Variants in WHRN observed in about 807,000 individuals in gnomAD.
The protein encoded by WHRN is CASK-interacting protein CIP98.
Under a neutral mutation model 68.3 loss-of-function variants are expected in WHRN, and 41 were observed. The ratio of observed to expected loss-of-function variants is 0.60; its 90% CI spans 0.47 to 0.78. The LOEUF is 0.78. WHRN is among the 30% of genes least tolerant of loss of function. The pLI, the probability that WHRN is intolerant of heterozygous loss-of-function variation, is 0.00. For synonymous variants in WHRN, 560 were observed against 561.3 expected (o/e 1.00, Z 0.03); for missense variants, 1,243 against 1,244.7 (o/e 1.00, Z 0.02).
In WHRN at chr9:114,426,511, T is replaced by C. The variant is rs1836875712; in HGVS notation, c.964-98A>G. On this transcript the variant is annotated intron_variant, in intron 3 of 11. Transcript: ENST00000362057. ...ATCCCAATTCTCCTCTGGGCCAGCC[T>C]GTCAAGGAGGTCATCCAGGATCAGA... 9.2e-6 allele frequency: 13 copies of C among 1,408,214 alleles called. No individual in the cohort carries two copies. The South Asian group carries it at 1.4e-4, about 15-fold the overall frequency. 87.2% of individuals were successfully genotyped at this position (1,408,214 alleles called of 1,614,324 possible). A position where few individuals can be genotyped will look rare whatever the true frequency, so the allele number is the denominator to read the frequency against.
chr9:114,504,149 C>T (rs780909192), intron 1 of WHRN, 35 bp downstream of exon 1: 7 of 1,613,796 alleles, frequency 4.3e-6, no homozygotes, highest in African/African-American at 1.3e-5. Flanking sequence ...TCTGTCCATA[C>T]TCTGCCCCAG....
intron 1 of WHRN, among the ~76,000 whole-genome samples, chr9:114,496,555 A>C (rs1249304412): frequency 1.3e-5 from 2 of 152,126 alleles, no homozygotes; most frequent in Non-Finnish European, 2.9e-5. Context: ...AACAAACAAA[A>C]AAACTAAGCA....
chr9:114,423,391 A>G lies in WHRN; in HGVS notation c.1549T>C (p.Tyr517His), dbSNP rs1836494915. Reference sequence around the variant, plus strand: ...GTGTCACTGTAGGAGACCATGGAGTAGGTGTCCCCAGCCCCGGGGCCTGGG... The same window carrying G: ...GTGTCACTGTAGGAGACCATGGAGTGGGTGTCCCCAGCCCCGGGGCCTGGG... Reference protein sequence around the residue: ...QPPGPGAGDTYSMVSYSDTGS... With the variant: ...QPPGPGAGDTHSMVSYSDTGS... The change falls in exon 7 of 12, where the codon TAC becomes CAC. Residue 517 changes from tyrosine (Y) to histidine (H), a missense_variant. By Grantham distance (83) the Tyr-to-His change is moderately conservative (BLOSUM62 2). Coordinates refer to ENST00000362057, the MANE Select transcript of WHRN (RefSeq NM_015404.4). 1 of 1,613,968 alleles carries G rather than the reference A, an allele frequency of 6.2e-7. No individual in the cohort carries two copies. Among genetic ancestry groups the G allele is most frequent in the South Asian group, 1.1e-5 (1 of 91,092 alleles).
At chr9:114,452,256 G>A (rs920166198) in intron 3 of WHRN, among the ~76,000 whole-genome samples, 3 of 152,160 alleles carry the variant, frequency 2.0e-5, no homozygotes, top group African/African-American at 7.2e-5. Context: ...AGAATCCTCC[G>A]GGTTCCAAAT....
At chr9:114,459,018 G>A (rs1840031006) in intron 3 of WHRN, among the ~76,000 whole-genome samples, 1 of 152,238 alleles carries the variant, frequency 6.6e-6, no homozygotes, top group Non-Finnish European at 1.5e-5. Context: ...CAACAAGGAG[G>A]TGGTGGAGCT....
intron 3 of WHRN, among the ~76,000 whole-genome samples, chr9:114,436,371 T>C (rs2132527244): frequency 6.6e-6 from 1 of 152,252 alleles, no homozygotes; most frequent in South Asian, 2.1e-4. Flanking sequence ...AAAAATATTA[T>C]CCATATTTGC....
intron 9 of WHRN, among the ~76,000 whole-genome samples, chr9:114,404,960 G>T (rs947082410): frequency 4.0e-5 from 6 of 151,536 alleles, no homozygotes; most frequent in Non-Finnish European, 7.4e-5. Context: ...TGGAGGGCAT[G>T]TGCCCACCAC....
chr9:114,406,535 G>A lies in WHRN; in HGVS notation c.2056C>T (p.Pro686Ser), dbSNP rs201690920. The A allele has an allele frequency of 6.2e-7, 1 of 1,613,638 alleles. No homozygotes were observed. The highest frequency in any genetic ancestry group is 8.5e-7 in the Non-Finnish European group (1 of 1,179,726). ...GCAGAGGGGCTTTTCAGGTGCGGGG[G>A]TGACTGGACCCGTGGGAAGGGGCCG... ...PIGPFPRVQSPPHLKSPSAEA... is the reference protein window; with the variant it reads ...PIGPFPRVQSSPHLKSPSAEA... Residue 686 changes from proline (P) to serine (S), a missense_variant, in exon 9 of 12, where the codon CCC becomes TCC. By Grantham distance (74) the Pro-to-Ser change is moderately conservative. Coordinates refer to ENST00000362057, the MANE Select transcript of WHRN (RefSeq NM_015404.4).
In WHRN at chr9:114,419,561, C is replaced by T. The variant is rs938873764; in HGVS notation, c.1626+3753G>A. On this transcript the variant is annotated intron_variant, in intron 7 of 11. Coordinates refer to ENST00000362057, the MANE Select transcript of WHRN (RefSeq NM_015404.4). ...AAGGAAGCCCGGGGGCAAGAGGAGC[C>T]GTGGCCTGAAAGTCACTCCCCTTGG... Among the ~76,000 whole-genome samples the T allele has an allele frequency of 2.0e-5, 3 of 152,186 alleles. No individual in the cohort carries two copies. The South Asian group carries it at 6.2e-4, about 32-fold the overall frequency.
intron 3 of WHRN, among the ~76,000 whole-genome samples, chr9:114,440,174 A>G (rs1448690299): frequency 6.6e-6 from 1 of 152,180 alleles, no homozygotes; most frequent in African/African-American, 2.4e-5. Context: ...TGGTCTCCCA[A>G]AGTGCTGGGA....
intron 3 of WHRN, among the ~76,000 whole-genome samples, chr9:114,458,163 G>A (rs542064487): frequency 3.3e-5 from 5 of 152,312 alleles, no homozygotes; most frequent in Non-Finnish European, 5.9e-5. Flanking sequence ...GGATGTGACA[G>A]CTGCCAGCAG....
At chr9:114,415,421 G>T (rs1229998173) in intron 7 of WHRN, among the ~76,000 whole-genome samples, 1 of 152,020 alleles carries the variant, frequency 6.6e-6, no homozygotes, top group Non-Finnish European at 1.5e-5. Context: ...AGCCCTACTG[G>T]TCTCCTTCCA....
At chr9:114,497,841 C>T (rs1357622373) in intron 1 of WHRN, among the ~76,000 whole-genome samples, 6 of 152,150 alleles carry the variant, frequency 3.9e-5, no homozygotes, top group Non-Finnish European at 7.4e-5. Context: ...AATGTTGCCA[C>T]ACCTAGTAGT....
In WHRN at chr9:114,493,379, T is replaced by TGG. The variant is rs60740371; in HGVS notation, c.618+10803_618+10804dup. ...TTTAAAAAAAAAAAAAAAGTGGGGG[T>TGG]GGGGGGGTGGGGAGAAAAAACGTTT... is the stretch of plus-strand genomic sequence containing the variant. On this transcript the variant is annotated intron_variant, in intron 1 of 11. Coordinates refer to ENST00000362057, the MANE Select transcript of WHRN (RefSeq NM_015404.4). Among the ~76,000 whole-genome samples, 14 of 35,452 alleles carry TGG rather than the reference T, an allele frequency of 3.9e-4. No individual in the cohort carries two copies. The South Asian group carries it at 4.6e-3, about 12-fold the overall frequency. 23.3% of individuals were successfully genotyped at this position (35,452 alleles called of 152,430 possible). A position where few individuals can be genotyped will look rare whatever the true frequency, so the allele number is the denominator to read the frequency against.
At chr9:114,464,504 A>G in intron 3 of WHRN, among the ~76,000 whole-genome samples, 1 of 152,148 alleles carries the variant, frequency 6.6e-6, no homozygotes, top group Non-Finnish European at 1.5e-5. Context: ...CCTCTTTTAT[A>G]AGGGCACTAA....
At chr9:114,480,156 C>T in intron 1 of WHRN, among the ~76,000 whole-genome samples, 1 of 151,918 alleles carries the variant, frequency 6.6e-6, no homozygotes, top group Middle Eastern at 3.2e-3. Flanking sequence ...GTACATTTCC[C>T]AGTCTTCAGA....
At chr9:114,445,647 G>A (rs1000998983) in intron 3 of WHRN, among the ~76,000 whole-genome samples, 2 of 152,122 alleles carry the variant, frequency 1.3e-5, no homozygotes, top group Admixed American at 6.5e-5. Context: ...GGGGGTCTGG[G>A]GTAGAGTGGG....
intron 9 of WHRN, among the ~76,000 whole-genome samples, chr9:114,405,818 T>C (rs1391128344): frequency 6.6e-6 from 1 of 152,182 alleles, no homozygotes; most frequent in Non-Finnish European, 1.5e-5. Context: ...GCTTTCAGGG[T>C]GGGGAGGCAG....
intron 7 of WHRN, 106 bp from the exon 8 acceptor site, chr9:114,408,124 T>A: frequency 3.4e-6 from 3 of 884,412 alleles, no homozygotes. Flanking sequence ...CACCTCCATG[T>A]GGTTCATGTG....
Sources: allele counts gnomAD v4.1 joint callset (sites outside exome capture counted in the v4.1 genomes callset), GRCh38; gene constraint gnomAD v4.1.1; transcripts MANE v1.5; gene names NCBI Gene and HGNC (gene_info 2026-07-23, HGNC 2026-07-21).